Variants in CLEC16A observed in about 807,000 individuals in gnomAD.
CLEC16A encodes protein CLEC16A.
In CLEC16A, 51 loss-of-function variants were observed where a neutral mutation model predicts 109.5. The observed-to-expected ratio is 0.47, with a 90% CI of 0.37 to 0.59. CLEC16A has a LOEUF of 0.59. Among genes scored for constraint, CLEC16A ranks in the 20% least tolerant of loss-of-function variants. CLEC16A has a pLI of 0.00. For missense variants in CLEC16A, 1,339 were observed against 1,394.0 expected (o/e 0.96, Z 0.63); for synonymous variants, 673 against 564.2 (o/e 1.19, Z -2.73).
intron 4 of CLEC16A, among the ~76,000 whole-genome samples, chr16:10,970,042 T>C (rs191693325): frequency 2.6e-5 from 4 of 152,372 alleles, no homozygotes; most frequent in Non-Finnish European, 5.9e-5. Flanking sequence ...AAATTGCTCC[T>C]GTCCTCACAC....
intron 10 of CLEC16A, among the ~76,000 whole-genome samples, chr16:10,989,192 A>G (rs948225123): frequency 6.6e-6 from 1 of 151,198 alleles, no homozygotes; most frequent in South Asian, 2.1e-4. Context: ...TAATTTCTGG[A>G]AAGTGCAAAT....
Position 11,110,389 on chromosome 16 carries a change from G to T in CLEC16A, c.2117-10226G>T, listed in dbSNP as rs571720950. 2.0e-5 allele frequency among the ~76,000 whole-genome samples: 3 copies of T among 152,274 alleles called. No homozygotes were observed. The South Asian group carries it at 6.2e-4, about 32-fold the overall frequency. ...AGGGAAATGTAGAGAGGGACTGGGG[G>T]AGCAGCCAGGGATGAGGGGTCAGGG... On this transcript the variant is annotated intron_variant, in intron 19 of 23. Transcript: ENST00000409790.
intron 7 of CLEC16A, among the ~76,000 whole-genome samples, chr16:10,973,914 T>G (rs1036499823): frequency 2.3e-5 from 3 of 132,306 alleles, no homozygotes; most frequent in African/African-American, 8.3e-5. Context: ...TTTTTTTTTT[T>G]TTTGAGACAG....
intron 23 of CLEC16A, among the ~76,000 whole-genome samples, chr16:11,173,598 A>T (rs1423713701): frequency 1.3e-5 from 2 of 151,828 alleles, no homozygotes; most frequent in Non-Finnish European, 2.9e-5. Context: ...CTTTCTCAGG[A>T]CTCGGAGCTG....
intron 3 of CLEC16A, among the ~76,000 whole-genome samples, chr16:10,967,348 C>T (rs16957843): frequency 0.18 from 27,669 of 152,114 alleles, 2,745 homozygotes; most frequent in South Asian, 0.3. Flanking sequence ...GGTTTATTTC[C>T]TCTTCACCCA....
At chr16:10,962,377 T>C (rs984089286) in intron 2 of CLEC16A, 78 bp from the exon 3 acceptor site, 3 of 1,570,616 alleles carry the variant, frequency 1.9e-6, no homozygotes. Context: ...AATACTTGTG[T>C]TGTGAATGAA....
chr16:11,024,631 A>G lies in CLEC16A; in HGVS notation c.1437-190A>G, dbSNP rs1032601498. The G allele has an allele frequency of 2.4e-5, 13 of 536,686 alleles. No homozygotes were observed. In the Admixed American group the frequency reaches 3.1e-4, roughly 13 times the overall value. The allele number at this position is 536,686 out of a possible 1,614,324, so 33.2% of individuals were successfully genotyped here. ...GTTCCTTGGTCAGGTTCCCCTCTGG[A>G]TAGCGGCTTCCGCAGGCAGAGCCTG... On this transcript the variant is annotated intron_variant, in intron 12 of 23. Coordinates refer to ENST00000409790, the MANE Select transcript of CLEC16A (RefSeq NM_015226.3).
intron 19 of CLEC16A, among the ~76,000 whole-genome samples, chr16:11,116,554 C>A (rs1597438407): frequency 6.6e-6 from 1 of 152,098 alleles, no homozygotes; most frequent in Admixed American, 6.5e-5. Flanking sequence ...GGGTGACATC[C>A]ACATGAAACC....
intron 1 of CLEC16A, among the ~76,000 whole-genome samples, chr16:10,948,112 C>T (rs1332444826): frequency 6.6e-6 from 1 of 152,140 alleles, no homozygotes; most frequent in South Asian, 2.1e-4. Context: ...CCAGGATGGT[C>T]TCGATCTCCT....
intron 22 of CLEC16A, chr16:11,150,026 C>G (rs2054233077): frequency 6.6e-6 from 1 of 152,122 alleles, no homozygotes; most frequent in Non-Finnish European, 1.5e-5. Context: ...ATGGCAAAAC[C>G]AAAACCTGCC....
At chr16:11,134,681 T>C (rs963166826) in intron 22 of CLEC16A, among the ~76,000 whole-genome samples, 1 of 152,202 alleles carries the variant, frequency 6.6e-6, no homozygotes, top group Admixed American at 6.5e-5. Flanking sequence ...AATGCTCCGA[T>C]GTGTGTTTCC....
chr16:11,075,347 T>TCCCA (rs1266429852), intron 19 of CLEC16A, among the ~76,000 whole-genome samples: 2 of 151,190 alleles, frequency 1.3e-5, no homozygotes, highest in Non-Finnish European at 2.9e-5. Context: ...GGCGGTTGAG[T>TCCCA]CCCAGCCCAG....
chr16:10,957,725 A>G, intron 1 of CLEC16A, 57 bp from the exon 2 acceptor site: 3 of 1,582,154 alleles, frequency 1.9e-6, no homozygotes, highest in Non-Finnish European at 2.6e-6. Flanking sequence ...TGGTCATGGA[A>G]CTTGGCTTGC....
At chr16:11,148,266 A>C (rs1354207236) in intron 22 of CLEC16A, among the ~76,000 whole-genome samples, 3 of 152,180 alleles carry the variant, frequency 2.0e-5, no homozygotes, top group African/African-American at 7.2e-5. Flanking sequence ...GCCGGCAACC[A>C]CGTCCAACTC....
Position 11,042,375 on chromosome 16 carries a change from T to C in CLEC16A, c.1770+12T>C. ...TGGCCTGCCTGGAGGTAACGCCCTCTCCGCTCCTCCTTCCTGTGGGCCAAG... is the reference window on the plus strand; with the variant it reads ...TGGCCTGCCTGGAGGTAACGCCCTCCCCGCTCCTCCTTCCTGTGGGCCAAG... On this transcript the variant is annotated intron_variant, in intron 15 of 23. Coordinates refer to ENST00000409790, the MANE Select transcript of CLEC16A (RefSeq NM_015226.3). 1 of 1,549,870 alleles carries C rather than the reference T, an allele frequency of 6.5e-7. No homozygotes were observed. Among genetic ancestry groups the C allele is most frequent in the Middle Eastern group, 2.0e-4 (1 of 5,016 alleles).
At chr16:10,967,224 G>A (rs1042535514) in intron 3 of CLEC16A, among the ~76,000 whole-genome samples, 1 of 152,100 alleles carries the variant, frequency 6.6e-6, no homozygotes, top group Non-Finnish European at 1.5e-5. Context: ...CTTCCATCAC[G>A]ATCCCGGGCT....
At position 11,003,205 on chromosome 16, in the gene CLEC16A, T is replaced by A; in HGVS notation, c.1203T>A (p.Asp401Glu). ...ACAAAAACGTTGGGGAAGAAGAAGA[T>A]GAGGAGAAAGGGCCCACCGAGGATG... ...PNYKNVGEEE[D>E]EEKGPTEDAQ... Residue 401 changes from aspartate to glutamate, a missense_variant, in exon 11 of 24, where the codon GAT (aspartate) becomes GAA (glutamate). This residue lies in a region of CLEC16A where 1,061 missense variants were observed against 1,006.8 expected (regional missense o/e 1.05). Coordinates refer to ENST00000409790, the MANE Select transcript of CLEC16A (RefSeq NM_015226.3). 6.2e-7 allele frequency: 1 copy of A among 1,611,770 alleles called. No homozygotes were observed.
At chr16:11,135,624 G>C (rs1284602820) in intron 22 of CLEC16A, among the ~76,000 whole-genome samples, 1 of 152,256 alleles carries the variant, frequency 6.6e-6, no homozygotes, top group Non-Finnish European at 1.5e-5. Context: ...GGTCATAAGA[G>C]TGTGTCAGAT....
At chr16:11,006,794 G>A (rs949722115) in intron 11 of CLEC16A, among the ~76,000 whole-genome samples, 1 of 152,134 alleles carries the variant, frequency 6.6e-6, no homozygotes, top group African/African-American at 2.4e-5. Flanking sequence ...GAAGTTGTGT[G>A]AAATGAATGT....
Sources: allele counts gnomAD v4.1 joint callset (sites outside exome capture counted in the v4.1 genomes callset), GRCh38; gene constraint gnomAD v4.1.1; regional missense constraint gnomAD v4.1.1; transcripts MANE v1.5; gene names NCBI Gene and HGNC (gene_info 2026-07-23, HGNC 2026-07-21).